SLC39A9: variants seen among roughly 807,000 people sequenced by gnomAD.
The protein encoded by SLC39A9 is solute carrier family 39 member 9.
In SLC39A9, 14 loss-of-function variants were observed where a neutral mutation model predicts 28.4. The observed-to-expected ratio is 0.49, with a 90% CI of 0.33 to 0.77. The LOEUF (loss-of-function observed/expected upper bound fraction) is 0.77. Among genes scored for constraint, SLC39A9 ranks in the 30% least tolerant of loss-of-function variants. SLC39A9 has a pLI of 0.02. For synonymous variants in SLC39A9, 119 were observed against 149.6 expected (o/e 0.80, Z 1.49); for missense variants, 283 against 381.1 (o/e 0.74, Z 2.14).
At chr14:69,447,675 G>A (rs1246425897) in intron 3 of SLC39A9, among the ~76,000 whole-genome samples, 1 of 152,194 alleles carries the variant, frequency 6.6e-6, no homozygotes. Context: ...ACTTTGGGAG[G>A]CCAAGGTGGG....
intron 3 of SLC39A9, among the ~76,000 whole-genome samples, chr14:69,443,767 A>G (rs1264992955): frequency 6.6e-6 from 1 of 152,070 alleles, no homozygotes; most frequent in Admixed American, 6.6e-5. Flanking sequence ...CTACTGGGGG[A>G]CTGAGGCGGG....
At chr14:69,439,461 ATAAG>A (rs1046717695) in intron 2 of SLC39A9, among the ~76,000 whole-genome samples, 2 of 152,254 alleles carry the variant, frequency 1.3e-5, no homozygotes, top group Admixed American at 6.5e-5. Flanking sequence ...TGGAGAAAAT[ATAAG>A]TAAGGTATTC....
chr14:69,454,954 T>C, intron 5 of SLC39A9, 57 bp downstream of exon 5: 1 of 1,326,622 alleles, frequency 7.5e-7, no homozygotes, highest in Non-Finnish European at 1.1e-6. Flanking sequence ...TTAAAATTTC[T>C]CATGGTCCTT....
At position 69,446,279 on chromosome 14, in the gene SLC39A9, CAT is replaced by C. The variant is rs140993985; in HGVS notation, c.403+4028_403+4029del. ...GGTTTTGTATATATATTTATATATA[CAT>C]ATATATATATATATGTCCTAGCTCT... is the stretch of plus-strand genomic sequence containing the variant. On this transcript the variant is annotated intron_variant, in intron 3 of 6. Transcript: ENST00000336643. Among the ~76,000 whole-genome samples the C allele has an allele frequency of 3.3e-3, 485 of 146,128 alleles. 3 individuals are homozygous for C. The highest frequency in any genetic ancestry group is 0.01 in the African/African-American group (419 of 40,046).
chr14:69,414,068 T>G (rs1015681354), intron 1 of SLC39A9, among the ~76,000 whole-genome samples: 2 of 145,278 alleles, frequency 1.4e-5, no homozygotes, highest in Admixed American at 6.9e-5. Flanking sequence ...TTTTTTTTTT[T>G]GAGAGAGGGT....
chr14:69,453,920 T>G (rs1317064947), intron 4 of SLC39A9, among the ~76,000 whole-genome samples: 1 of 152,240 alleles, frequency 6.6e-6, no homozygotes, highest in Non-Finnish European at 1.5e-5. Context: ...TAAGAAGAAG[T>G]TTGCTCTTTT....
At chr14:69,407,006 A>G (rs1451104129) in intron 1 of SLC39A9, among the ~76,000 whole-genome samples, 1 of 151,292 alleles carries the variant, frequency 6.6e-6, no homozygotes, top group Non-Finnish European at 1.5e-5. Flanking sequence ...GCGTGCCACC[A>G]TAACCAGCTA....
chr14:69,453,862 C>G (rs1209001518), intron 4 of SLC39A9, among the ~76,000 whole-genome samples: 1 of 152,194 alleles, frequency 6.6e-6, no homozygotes, highest in Non-Finnish European at 1.5e-5. Context: ...TGAACAGTTG[C>G]AAGAGACCAA....
At chr14:69,454,684 A>G (rs1885777292) in intron 4 of SLC39A9, 128 bp from the exon 5 acceptor site, 4 of 620,064 alleles carry the variant, frequency 6.5e-6, no homozygotes, top group Non-Finnish European at 5.7e-6. Flanking sequence ...TAAGGCTGGC[A>G]TGTAGAAAGG....
chr14:69,432,030 A>G (rs1274726871), intron 2 of SLC39A9, among the ~76,000 whole-genome samples: 2 of 152,164 alleles, frequency 1.3e-5, no homozygotes, highest in Non-Finnish European at 2.9e-5. Context: ...ATAAGAGTGC[A>G]TGGTGTCTTT....
chr14:69,407,648 T>C (rs889278730), intron 1 of SLC39A9, among the ~76,000 whole-genome samples: 11 of 142,052 alleles, frequency 7.7e-5, no homozygotes, highest in African/African-American at 2.9e-4. Flanking sequence ...TCTTTTTTTT[T>C]TTATTTTGAG....
chr14:69,436,524 A>G (rs575673433), intron 2 of SLC39A9, among the ~76,000 whole-genome samples: 6 of 152,298 alleles, frequency 3.9e-5, no homozygotes, highest in African/African-American at 9.6e-5. Context: ...AAGTTAACCT[A>G]TTTAGATTCA....
intron 2 of SLC39A9, among the ~76,000 whole-genome samples, chr14:69,433,246 T>C (rs1015197582): frequency 6.6e-6 from 1 of 152,158 alleles, no homozygotes; most frequent in East Asian, 1.9e-4. Context: ...TGAATTGCAG[T>C]GATTGATTTT....
chr14:69,414,507 G>A (rs879666576), intron 1 of SLC39A9, among the ~76,000 whole-genome samples: 3 of 152,172 alleles, frequency 2.0e-5, no homozygotes, highest in Non-Finnish European at 2.9e-5. Context: ...TTTAGTATTC[G>A]AATTAGATCT....
chr14:69,441,021 G>A (rs954543053), intron 2 of SLC39A9, among the ~76,000 whole-genome samples: 1 of 152,000 alleles, frequency 6.6e-6, no homozygotes, highest in African/African-American at 2.4e-5. Context: ...GCTCATACTT[G>A]TAATCCACCA....
chr14:69,423,896 CAAA>C (rs11342292), intron 1 of SLC39A9, among the ~76,000 whole-genome samples, 195 bp from the exon 2 acceptor site: 109 of 120,348 alleles, frequency 9.1e-4, no homozygotes, highest in African/African-American at 2.8e-3. Flanking sequence ...GATTCTGTCT[CAAA>C]AAAAAAAAAA....
rs115770056 is a variant in SLC39A9 at position 69,433,210 on chromosome 14, G to A, written c.206-8859G>A. Reference sequence around the variant, plus strand: ...TTGAATGGTTGTTGAATTTCATCAGGTGCTTTTTTCAGTCTGTTAATGGAG... The same window carrying A: ...TTGAATGGTTGTTGAATTTCATCAGATGCTTTTTTCAGTCTGTTAATGGAG... On this transcript the variant is annotated intron_variant, in intron 2 of 6. Transcript: ENST00000336643. Among the ~76,000 whole-genome samples, 448 of 152,226 alleles carry A rather than the reference G, an allele frequency of 2.9e-3. 3 individuals are homozygous for A. Among genetic ancestry groups the A allele is most frequent in the African/African-American group, 0.01 (436 of 41,546 alleles).
At chr14:69,436,177 G>A (rs1884741221) in intron 2 of SLC39A9, among the ~76,000 whole-genome samples, 1 of 152,046 alleles carries the variant, frequency 6.6e-6, no homozygotes, top group Non-Finnish European at 1.5e-5. Context: ...TCAGGTGGGG[G>A]AGGATCACTT....
chr14:69,407,575 C>T (rs979037641), intron 1 of SLC39A9, among the ~76,000 whole-genome samples: 4 of 151,698 alleles, frequency 2.6e-5, no homozygotes, highest in African/African-American at 4.8e-5. Flanking sequence ...GTGGTCTGCC[C>T]GCCTAGGCCT....
Sources: allele counts gnomAD v4.1 joint callset (sites outside exome capture counted in the v4.1 genomes callset), GRCh38; gene constraint gnomAD v4.1.1; transcripts MANE v1.5; gene names NCBI Gene and HGNC (gene_info 2026-07-23, HGNC 2026-07-21).